Variants in IRGQ observed in about 807,000 individuals in gnomAD.
The protein encoded by IRGQ is immunity related GTPase Q.
IRGQ carries 5 observed loss-of-function variants against 10.5 expected under a neutral mutation model. The ratio of observed to expected loss-of-function variants is 0.48; its 90% CI spans 0.25 to 1.00. IRGQ has a LOEUF of 1.00. Ranked by LOEUF, IRGQ falls within the 50% of genes least tolerant of loss-of-function variation. IRGQ has a pLI of 0.16. For missense variants in IRGQ, 792 were observed against 877.7 expected (o/e 0.90, Z 1.23); for synonymous variants, 418 against 426.0 (o/e 0.98, Z 0.23).
At chr19:43,594,124 G>A (rs141529704) in intron 2 of IRGQ, among the ~76,000 whole-genome samples, 177 of 152,278 alleles carry the variant, frequency 1.2e-3, no homozygotes, top group African/African-American at 4.0e-3. Context: ...TTAGGTGCTT[G>A]AAAACAAAAC....
chr19:43,594,907 A>G lies in IRGQ; in HGVS notation c.432T>C (p.Asp144=). ...LLNSAGLGAA[D]LFVLPANCGS... ...CGCAGTTCGCCGGTAGCACAAACAG[A>G]TCCGCAGCTCCTAACCCCGCGCTGT... The change falls in exon 2 of 3, where the codon GAT becomes GAC. Residue 144 remains aspartate, a synonymous_variant. Coordinates refer to ENST00000422989, the MANE Select transcript of IRGQ (RefSeq NM_001007561.3). The G allele has an allele frequency of 1.2e-6, 2 of 1,613,912 alleles. No individual in the cohort carries two copies. The highest frequency in any genetic ancestry group is 1.7e-6 in the Non-Finnish European group (2 of 1,179,928).
rs534143412 is a variant in IRGQ at position 43,587,810 on chromosome 19, G to A, written c.*4216C>T. The stretch of plus-strand genomic sequence containing the variant: ...AATCCCAGCTACTCGGGAGGCTGAG[G>A]CAGGAGAATCACTTGAACCTGGAAG... On this transcript the variant is annotated 3_prime_UTR_variant, in exon 3 of 3. Coordinates refer to ENST00000422989, the MANE Select transcript of IRGQ (RefSeq NM_001007561.3). 1.3e-5 allele frequency: 2 copies of A among 151,900 alleles called. No individual in the cohort carries two copies. Among genetic ancestry groups the A allele is most frequent in the Admixed American group, 6.6e-5 (1 of 15,234 alleles). The allele number at this position is 151,900 out of a possible 1,614,324, so 9.4% of individuals were successfully genotyped here. A position where few individuals can be genotyped will look rare whatever the true frequency, so the allele number is the denominator to read the frequency against.
chr19:43,595,610 T>G, intron 1 of IRGQ: 2 of 342,692 alleles, frequency 5.8e-6, no homozygotes, highest in Non-Finnish European at 1.1e-5. Flanking sequence ...ATGCCTGTAA[T>G]CCCAGTGCTT....
In IRGQ at chr19:43,592,558, C is replaced by T. The variant is rs1211668702; in HGVS notation, c.1340G>A (p.Arg447Gln). Residue 447 changes from arginine to glutamine, a missense_variant, in exon 3 of 3, where the codon CGG becomes CAG. Physicochemically the swap from Arg to Gln is conservative, Grantham distance 43. Transcript: ENST00000422989. ...GGLPGLCEWL[R>Q]RALPPAQAGA... ...TGCCTGGGCTGGGGGGAGCGCTCGCCGCAGCCATTCGCATAGCCCTGGGAG... is the reference window on the plus strand; with the variant it reads ...TGCCTGGGCTGGGGGGAGCGCTCGCTGCAGCCATTCGCATAGCCCTGGGAG... The T allele has an allele frequency of 1.1e-5, 17 of 1,597,456 alleles. No individual in the cohort carries two copies. The highest frequency in any genetic ancestry group is 1.3e-5 in the Non-Finnish European group (15 of 1,178,810).
rs1973090991 is a variant in IRGQ at position 43,593,556 on chromosome 19, G to T, written c.531-189C>A. On this transcript the variant is annotated intron_variant, in intron 2 of 2. Transcript: ENST00000422989. This position sits in a 1 kb window ranked among gnomAD's most constrained non-coding sequence, Gnocchi z 6.4. ...GAGAGGCAGTGATGATATGGGTGGG[G>T]CTTCAAGCAATAATGGAGTCTTGAT... Among the ~76,000 whole-genome samples the T allele has an allele frequency of 6.6e-6, 1 of 152,204 alleles. No individual in the cohort carries two copies. The highest frequency in any genetic ancestry group is 2.1e-4 in the South Asian group (1 of 4,834).
In IRGQ at chr19:43,595,128, A is replaced by G; in HGVS notation, c.211T>C (p.Trp71Arg). The G allele has an allele frequency of 6.2e-7, 1 of 1,600,254 alleles. No individual in the cohort carries two copies. ...LSCPPAAPGPWAAEANVLVLV... is the reference protein window; with the variant it reads ...LSCPPAAPGPRAAEANVLVLV... ...ACCAGCACGTTGGCTTCCGCCGCCC[A>G]GGGCCCCGGCGCTGCGGGTGGGCAG... is the stretch of plus-strand genomic sequence containing the variant. Residue 71 changes from tryptophan to arginine, a missense_variant, in exon 2 of 3, where the codon TGG becomes CGG. Coordinates refer to ENST00000422989, the MANE Select transcript of IRGQ (RefSeq NM_001007561.3).
chr19:43,592,106 G>A lies in IRGQ; in HGVS notation c.1792C>T (p.His598Tyr). Reference sequence around the variant, plus strand: ...TCGAGAGCCTGCAGCAGGACGCCGTGAGCCGCTCGGTAGCCCAGGCCACCT... The same window carrying A: ...TCGAGAGCCTGCAGCAGGACGCCGTAAGCCGCTCGGTAGCCCAGGCCACCT... Reference protein sequence around the residue: ...ATGGLGYRAAHGVLLQALDEM... With the variant: ...ATGGLGYRAAYGVLLQALDEM... Residue 598 changes from histidine (H) to tyrosine (Y), a missense_variant, in exon 3 of 3, where the codon CAC (histidine) becomes TAC (tyrosine). Transcript: ENST00000422989. The A allele has an allele frequency of 3.1e-6, 5 of 1,612,310 alleles. No homozygotes were observed. The highest frequency in any genetic ancestry group is 4.2e-6 in the Non-Finnish European group (5 of 1,179,752).
chr19:43,594,683 A>AAT (rs1555773873), intron 2 of IRGQ, 126 bp downstream of exon 2: 21 of 639,736 alleles, frequency 3.3e-5, no homozygotes, highest in African/African-American at 7.5e-5. Context: ...AAAAAAAAAA[A>AAT]AATAATAATA....
Position 43,594,982 on chromosome 19 carries a change from C to T in IRGQ, c.357G>A (p.Gly119=), listed in dbSNP as rs750361743. 1 of 1,613,880 alleles carries T rather than the reference C, an allele frequency of 6.2e-7. No homozygotes were observed. Among genetic ancestry groups the T allele is most frequent in the Non-Finnish European group, 8.5e-7 (1 of 1,179,938 alleles). ...GGGCCTGGGCGGCAGTCTGTGAATC[C>T]CCAGGACGGAGGTTCCGCACAGCCA... ...PLLAVRNLRP[G]DSQTAAQARD... The change falls in exon 2 of 3, where the codon GGG becomes GGA. Residue 119 remains glycine (G), a synonymous_variant. Coordinates refer to ENST00000422989, the MANE Select transcript of IRGQ (RefSeq NM_001007561.3).
chr19:43,586,064 G>A lies in IRGQ; in HGVS notation c.*5962C>T, dbSNP rs1053978124. ...CTCCATCATTATCCAGGCATGGATG[G>A]AACTCTGCTGTGGTGAGGAGGTTGT... is the stretch of plus-strand genomic sequence containing the variant. On this transcript the variant is annotated 3_prime_UTR_variant, in exon 3 of 3. Coordinates refer to ENST00000422989, the MANE Select transcript of IRGQ (RefSeq NM_001007561.3). The A allele has an allele frequency of 2.0e-5, 3 of 152,194 alleles. No homozygotes were observed. The highest frequency in any genetic ancestry group is 3.8e-4 in the East Asian group (2 of 5,200). The allele number at this position is 152,194 out of a possible 1,614,324, so 9.4% of individuals were successfully genotyped here.
Position 43,592,236 on chromosome 19 carries a change from G to A in IRGQ, c.1662C>T (p.Ala554=). Residue 554 remains alanine, a synonymous_variant, in exon 3 of 3, where the codon GCC becomes GCT. Coordinates refer to ENST00000422989, the MANE Select transcript of IRGQ (RefSeq NM_001007561.3). ...RAHFPGPVTR[A]EVEARLGAWA... ...AGGCGCCCAGTCTTGCTTCCACCTC[G>A]GCGCGCGTCACCGGGCCTGGGAAAT... 1 of 1,582,088 alleles carries A rather than the reference G, an allele frequency of 6.3e-7. No homozygotes were observed. The highest frequency in any genetic ancestry group is 1.1e-5 in the South Asian group (1 of 89,256).
At position 43,595,087 on chromosome 19, in the gene IRGQ, T is replaced by C; in HGVS notation, c.252A>G (p.Gly84=). 6.2e-7 allele frequency: 1 copy of C among 1,611,292 alleles called. No individual in the cohort carries two copies. The highest frequency in any genetic ancestry group is 8.5e-7 in the Non-Finnish European group (1 of 1,178,930). Residue 84 remains glycine, a synonymous_variant, in exon 2 of 3, where the codon GGA becomes GGG. Coordinates refer to ENST00000422989, the MANE Select transcript of IRGQ (RefSeq NM_001007561.3). ...CCAACGGTTCCCCGTTCCCCTCGGG[T>C]CCGGGCAGCACCAGTACCAGCACGT... ...EANVLVLVLP[G]PEGNGEPLAP...
chr19:43,594,894 G>A lies in IRGQ; in HGVS notation c.445C>T (p.Pro149Ser). 1 of 1,613,956 alleles carries A rather than the reference G, an allele frequency of 6.2e-7. No homozygotes were observed. Among genetic ancestry groups the A allele is most frequent in the Non-Finnish European group, 8.5e-7 (1 of 1,179,922 alleles). Residue 149 changes from proline (P) to serine (S), a missense_variant, in exon 2 of 3, where the codon CCG becomes TCG. Physicochemically the swap from Pro to Ser is moderately conservative, Grantham distance 74. Coordinates refer to ENST00000422989, the MANE Select transcript of IRGQ (RefSeq NM_001007561.3). The part of the protein sequence containing the change: ...GLGAADLFVL[P>S]ANCGSSDGCE... The stretch of plus-strand genomic sequence containing the variant: ...CCGTCGCTGCTGCCGCAGTTCGCCG[G>A]TAGCACAAACAGATCCGCAGCTCCT...
rs1283666641 is a variant in IRGQ, at chr19:43,596,106, G to C, written c.-127C>G. ...GGCCAGGGAGCGGTGATTTAGAGAT[G>C]CCGGGACCCGTCCCGGTAGCTTTAA... On this transcript the variant is annotated 5_prime_UTR_variant, in exon 1 of 3. Transcript: ENST00000422989. The C allele has an allele frequency of 6.6e-5, 10 of 152,204 alleles. No individual in the cohort carries two copies. In the East Asian group the frequency reaches 1.9e-3, roughly 29 times the overall value. 9.4% of individuals were successfully genotyped at this position (152,204 alleles called of 1,614,324 possible). A position where few individuals can be genotyped will look rare whatever the true frequency, so the allele number is the denominator to read the frequency against.
Position 43,594,775 on chromosome 19 carries a change from G to GACTA in IRGQ, c.530+30_530+33dup, listed in dbSNP as rs770333476. ...GTCGCACCTAGGTGCCTAGGGTCTC[G>GACTA]ACTAACGGACCCAGCCAGAAAGCCG... On this transcript the variant is annotated intron_variant, in intron 2 of 2. Transcript: ENST00000422989. The GACTA allele has an allele frequency of 2.6e-3, 4,039 of 1,564,224 alleles. 8 individuals are homozygous for GACTA. The highest frequency in any genetic ancestry group is 3.3e-3 in the Non-Finnish European group (3,772 of 1,155,826).
In IRGQ at chr19:43,590,383, T is replaced by A. The variant is rs1282453946; in HGVS notation, c.*1643A>T. 6.6e-6 allele frequency: 1 copy of A among 152,216 alleles called. No individual in the cohort carries two copies. The highest frequency in any genetic ancestry group is 6.5e-5 in the Admixed American group (1 of 15,272). The allele number at this position is 152,216 out of a possible 1,614,324, so 9.4% of individuals were successfully genotyped here. Reference sequence around the variant, plus strand: ...GGATTCTATCGCTTGGATTCTCAGATCCTCCTTTTCTGTTTTTGACACTGA... The same window carrying A: ...GGATTCTATCGCTTGGATTCTCAGAACCTCCTTTTCTGTTTTTGACACTGA... On this transcript the variant is annotated 3_prime_UTR_variant, in exon 3 of 3. Coordinates refer to ENST00000422989, the MANE Select transcript of IRGQ (RefSeq NM_001007561.3).
rs927136815 is a variant in IRGQ, at chr19:43,591,437, A to C, written c.*589T>G. 1.3e-5 allele frequency: 2 copies of C among 152,342 alleles called. No homozygotes were observed. The highest frequency in any genetic ancestry group is 2.9e-5 in the Non-Finnish European group (2 of 68,144). 9.4% of individuals were successfully genotyped at this position (152,342 alleles called of 1,614,324 possible). A position where few individuals can be genotyped will look rare whatever the true frequency, so the allele number is the denominator to read the frequency against. On this transcript the variant is annotated 3_prime_UTR_variant, in exon 3 of 3. Coordinates refer to ENST00000422989, the MANE Select transcript of IRGQ (RefSeq NM_001007561.3). ...AGCCTCCCTGGAGGACTAAACATCC[A>C]GTAACTCCAGTTTCTACTCCCTAGG...
chr19:43,592,691 A>G lies in IRGQ; in HGVS notation c.1207T>C (p.Ser403Pro), dbSNP rs1973076758. ...GCCCGCTCTGAGTCGCCACCACCTGATTTCTTCATGCCGACAACCTGCTGC... is the reference window on the plus strand; with the variant it reads ...GCCCGCTCTGAGTCGCCACCACCTGGTTTCTTCATGCCGACAACCTGCTGC... Reference protein sequence around the residue: ...GLQQVVGMKKSGGGDSERAAA... With the variant: ...GLQQVVGMKKPGGGDSERAAA... Residue 403 changes from serine to proline, a missense_variant, in exon 3 of 3, where the codon TCA (serine) becomes CCA (proline). Physicochemically the swap from Ser to Pro is moderately conservative, Grantham distance 74 (BLOSUM62 -1). Coordinates refer to ENST00000422989, the MANE Select transcript of IRGQ (RefSeq NM_001007561.3). The G allele has an allele frequency of 6.2e-7, 1 of 1,608,028 alleles. No homozygotes were observed. The highest frequency in any genetic ancestry group is 2.2e-5 in the East Asian group (1 of 44,832).
chr19:43,594,852 G>C lies in IRGQ; in HGVS notation c.487C>G (p.Arg163Gly), dbSNP rs1973111221. The C allele has an allele frequency of 6.2e-7, 1 of 1,612,810 alleles. No individual in the cohort carries two copies. Among genetic ancestry groups the C allele is most frequent in the Non-Finnish European group, 8.5e-7 (1 of 1,179,584 alleles). ...TGGCTCTGCAGCGCCGCCCGGAGGC[G>C]CTCTAGCTCCTCGCAGCCGTCGCTG... ...GSSDGCEELE[R>G]LRAALQSQAE... The change falls in exon 2 of 3, where the codon CGC becomes GGC. Residue 163 changes from arginine to glycine, a missense_variant. By Grantham distance (125) the Arg-to-Gly change is moderately radical. Coordinates refer to ENST00000422989, the MANE Select transcript of IRGQ (RefSeq NM_001007561.3).
Sources: gnomAD v4.1 joint callset for allele counts (sites outside exome capture counted in the v4.1 genomes callset) on GRCh38, gnomAD v4.1.1 for gene constraint, Gnocchi (gnomAD v3.1) non-coding constraint, MANE v1.5 for transcripts, NCBI Gene and HGNC (gene_info 2026-07-23, HGNC 2026-07-21) for gene names.